Variants in NRG1 observed in about 807,000 individuals in gnomAD.
NRG1 encodes the protein pro-neuregulin-1, membrane-bound isoform.
Under a neutral mutation model 63.8 loss-of-function variants are expected in NRG1, and 18 were observed. The ratio of observed to expected loss-of-function variants is 0.28; its 90% CI spans 0.19 to 0.42. The LOEUF (loss-of-function observed/expected upper bound fraction) is 0.42. NRG1 is among the 10% of genes least tolerant of loss of function. The pLI is 1.00. For missense variants in NRG1, 762 were observed against 814.7 expected (o/e 0.94, Z 0.79); for synonymous variants, 302 against 301.3 (o/e 1.00, Z -0.02).
intron 1 of NRG1, among the ~76,000 whole-genome samples, chr8:31,807,885 A>G (rs1822440315): frequency 6.6e-6 from 1 of 151,970 alleles, no homozygotes; most frequent in Non-Finnish European, 1.5e-5. Flanking sequence ...AATGACCTCC[A>G]GGTTCATCCA....
chr8:32,250,514 C>T (rs1185484943), intron 1 of NRG1, among the ~76,000 whole-genome samples: 2 of 151,866 alleles, frequency 1.3e-5, no homozygotes, highest in African/African-American at 4.8e-5. Context: ...TGTATGATGA[C>T]ACTGATACCT....
intron 1 of NRG1, among the ~76,000 whole-genome samples, chr8:32,385,555 G>A (rs1271764044): frequency 1.3e-5 from 2 of 152,054 alleles, no homozygotes; most frequent in Admixed American, 1.3e-4. Flanking sequence ...CAATCATGGC[G>A]GAAGGCAAAG....
rs117355777 is a variant in NRG1, at chr8:31,882,764, G to A, written c.37+243333G>A. ...CAGTGGAGAAAGTATTTGCAGGTGT[G>A]ATGGAAATAGCAAGAAAATTAGAAT... On this transcript the variant is annotated intron_variant, in intron 1 of 10. Coordinates refer to the NRG1 transcript ENST00000519301. Among the ~76,000 whole-genome samples the A allele has an allele frequency of 3.8e-3, 575 of 152,216 alleles. 1 individual carries two copies. Among genetic ancestry groups the A allele is most frequent in the Middle Eastern group, 0.024 (7 of 294 alleles).
At chr8:31,813,361 G>GA (rs1297914292) in intron 1 of NRG1, among the ~76,000 whole-genome samples, 1 of 152,046 alleles carries the variant, frequency 6.6e-6, no homozygotes, top group African/African-American at 2.4e-5. Context: ...TCATTTTCCA[G>GA]AAAATTGGGT....
intron 1 of NRG1, among the ~76,000 whole-genome samples, chr8:31,965,908 A>G (rs1806239521): frequency 6.6e-6 from 1 of 152,218 alleles, no homozygotes; most frequent in Non-Finnish European, 1.5e-5. Context: ...AGTGGGAGCT[A>G]AACAATGAGC....
At chr8:32,457,245 C>T (rs1009043481) in intron 1 of NRG1, among the ~76,000 whole-genome samples, 2 of 152,198 alleles carry the variant, frequency 1.3e-5, no homozygotes, top group African/African-American at 4.8e-5. Flanking sequence ...TCTGTCCATC[C>T]TGGTGCCACA....
intron 1 of NRG1, among the ~76,000 whole-genome samples, chr8:31,717,233 C>T (rs963597838): frequency 6.6e-6 from 1 of 151,648 alleles, no homozygotes; most frequent in Admixed American, 6.6e-5. Flanking sequence ...ATGGTGAAAC[C>T]CTGTGTCTAC....
At chr8:32,114,965 A>T (rs1014924620) in intron 1 of NRG1, among the ~76,000 whole-genome samples, 1 of 152,188 alleles carries the variant, frequency 6.6e-6, no homozygotes, top group African/African-American at 2.4e-5. Context: ...CAGTATCCTT[A>T]TATAGCAGGC....
intron 7 of NRG1, chr8:32,749,371 G>T: frequency 1.5e-6 from 1 of 649,852 alleles, no homozygotes; most frequent in Non-Finnish European, 2.7e-6. Flanking sequence ...AAAAAGAGAC[G>T]TTCCCTATGT....
chr8:31,850,926 T>C (rs1276668247), intron 1 of NRG1, among the ~76,000 whole-genome samples: 1 of 152,350 alleles, frequency 6.6e-6, no homozygotes, highest in East Asian at 1.9e-4. Flanking sequence ...GTGCTGCTTA[T>C]TTTCTGCAGT....
chr8:32,535,800 C>T (rs1200061897), intron 1 of NRG1, among the ~76,000 whole-genome samples: 1 of 152,070 alleles, frequency 6.6e-6, no homozygotes, highest in African/African-American at 2.4e-5. Flanking sequence ...ACTTTTTGTG[C>T]CTGGAATGCA....
Position 31,737,149 on chromosome 8 carries a change from G to T in NRG1, c.37+97718G>T, listed in dbSNP as rs1486376037. Among the ~76,000 whole-genome samples the T allele has an allele frequency of 2.0e-5, 3 of 152,134 alleles. No homozygotes were observed. In the East Asian group the frequency reaches 5.8e-4, roughly 29 times the overall value. ...ACATAGATTTTATTCCAGGTTTTGG[G>T]TATCTGAGAGCCTAGAAGTGGTGTG... is the stretch of plus-strand genomic sequence containing the variant. On this transcript the variant is annotated intron_variant, in intron 1 of 10. Transcript: ENST00000519301.
At chr8:32,099,456 T>C (rs1164271541) in intron 1 of NRG1, 1 of 152,216 alleles carries the variant, frequency 6.6e-6, no homozygotes, top group East Asian at 1.9e-4. Flanking sequence ...TCTAAGGAAG[T>C]TGGTTTGAAT....
intron 1 of NRG1, among the ~76,000 whole-genome samples, chr8:32,422,600 A>C (rs1251075428): frequency 6.6e-6 from 1 of 150,680 alleles, no homozygotes; most frequent in African/African-American, 2.4e-5. Flanking sequence ...AGATTTAGAG[A>C]TTTTGTATCT....
At chr8:31,978,313 A>G (rs13276200) in intron 1 of NRG1, among the ~76,000 whole-genome samples, 12,800 of 152,136 alleles carry the variant, frequency 0.084, 635 homozygotes, top group Admixed American at 0.14. Flanking sequence ...TATGTTGTTC[A>G]TGAAGTCATA....
intron 1 of NRG1, among the ~76,000 whole-genome samples, chr8:32,453,613 T>A (rs1012819206): frequency 2.6e-5 from 4 of 152,168 alleles, no homozygotes; most frequent in African/African-American, 7.2e-5. Flanking sequence ...AGGAGGTGGG[T>A]AGGACCATAT....
intron 1 of NRG1, among the ~76,000 whole-genome samples, chr8:32,572,458 C>A (rs1160637361): frequency 6.6e-6 from 1 of 152,094 alleles, no homozygotes; most frequent in Non-Finnish European, 1.5e-5. Flanking sequence ...AACTTCATTC[C>A]TCTAAGAATA....
intron 1 of NRG1, among the ~76,000 whole-genome samples, chr8:32,424,325 G>C (rs1240829239): frequency 1.3e-5 from 2 of 152,020 alleles, no homozygotes; most frequent in African/African-American, 4.8e-5. Flanking sequence ...TGGGCCTCTA[G>C]AGCTAAGTTG....
intron 1 of NRG1, among the ~76,000 whole-genome samples, chr8:31,652,342 C>T (rs1244804160): frequency 1.3e-5 from 2 of 152,168 alleles, no homozygotes; most frequent in Non-Finnish European, 1.5e-5. Context: ...GGATTCTTTC[C>T]TTCTCACATC....
Sources: allele counts gnomAD v4.1 joint callset (sites outside exome capture counted in the v4.1 genomes callset), GRCh38; gene constraint gnomAD v4.1.1; transcripts MANE v1.5; gene names NCBI Gene and HGNC (gene_info 2026-07-23, HGNC 2026-07-21).